MYO10: variants seen among roughly 807,000 people sequenced by gnomAD.
MYO10 encodes the protein unconventional myosin-X.
A neutral mutation model predicts 257.3 loss-of-function variants in MYO10; 133 were observed. The ratio of observed to expected loss-of-function variants is 0.52; its 90% CI spans 0.45 to 0.60. The LOEUF (loss-of-function observed/expected upper bound fraction) is 0.60, where lower values mean the gene tolerates loss of function less well. MYO10 is among the 20% of genes least tolerant of loss of function. The probability of loss-of-function intolerance (pLI) is 0.00; values close to 1 mark genes in which losing one functional copy is unlikely to be tolerated. For synonymous variants in MYO10, 1,104 were observed against 1,028.6 expected, an observed-to-expected ratio of 1.07 and a Z score of -1.40; for missense variants, 2,399 against 2,635.7, an observed-to-expected ratio of 0.91 and a Z score of 1.97.
intron 18 of MYO10, among the ~76,000 whole-genome samples, chr5:16,755,850 C>A (rs1579953975): frequency 6.6e-6 from 1 of 151,982 alleles, no homozygotes; most frequent in African/African-American, 2.4e-5. Context: ...ACTATACCCA[C>A]CCCTGTGGAA....
chr5:16,891,320 A>AGGAAGG lies in MYO10; in HGVS notation c.22-13614_22-13613insCCTTCC, dbSNP rs1317043978. On this transcript the variant is annotated intron_variant, in intron 1 of 40. Coordinates refer to ENST00000513610, the MANE Select transcript of MYO10 (RefSeq NM_012334.3). Reference sequence around the variant, plus strand: ...GAAAGAGAGAGAAAAGGAGAAGAGAAAAGGAAGGAAGGAAGGAAGGAAGGA... The same window carrying AGGAAGG: ...GAAAGAGAGAGAAAAGGAGAAGAGAAGGAAGGAAGGAAGGAAGGAAGGAAGGAAGGA... 5.7e-5 allele frequency among the ~76,000 whole-genome samples: 5 copies of AGGAAGG among 88,106 alleles called. No homozygotes were observed. In the East Asian group the frequency reaches 1.2e-3, roughly 21 times the overall value. 57.8% of individuals were successfully genotyped at this position (88,106 alleles called of 152,430 possible). A position where few individuals can be genotyped will look rare whatever the true frequency, so the allele number is the denominator to read the frequency against.
intron 2 of MYO10, among the ~76,000 whole-genome samples, chr5:16,873,366 C>T (rs867143933): frequency 1.2e-4 from 18 of 152,202 alleles, no homozygotes; most frequent in Non-Finnish European, 8.8e-5. Context: ...GTAGCTCCAC[C>T]CCTGTGGCTT....
chr5:16,727,768 C>T (rs1474700252), intron 19 of MYO10, among the ~76,000 whole-genome samples: 1 of 151,860 alleles, frequency 6.6e-6, no homozygotes, highest in African/African-American at 2.4e-5. Flanking sequence ...ATCTTCCTTG[C>T]CTATGGGGAT....
intron 1 of MYO10, among the ~76,000 whole-genome samples, chr5:16,915,776 C>CA (rs1236232273): frequency 1.3e-5 from 2 of 152,064 alleles, no homozygotes; most frequent in Non-Finnish European, 2.9e-5. Flanking sequence ...GCCAACATGG[C>CA]AAAACCCAGT....
intron 3 of MYO10, among the ~76,000 whole-genome samples, chr5:16,797,752 G>C (rs530793938): frequency 4.6e-5 from 7 of 152,230 alleles, no homozygotes; most frequent in Non-Finnish European, 1.0e-4. Flanking sequence ...ACAGCAAGAT[G>C]GGTGGTTGCT....
At chr5:16,933,529 G>A (rs1035220209) in intron 1 of MYO10, among the ~76,000 whole-genome samples, 2 of 152,176 alleles carry the variant, frequency 1.3e-5, no homozygotes, top group Non-Finnish European at 2.9e-5. Flanking sequence ...AAGCCACAAT[G>A]GGAAAAGTTA....
intron 2 of MYO10, among the ~76,000 whole-genome samples, chr5:16,819,900 T>C (rs1742745752): frequency 6.6e-6 from 1 of 152,214 alleles, no homozygotes; most frequent in Non-Finnish European, 1.5e-5. Flanking sequence ...AAGCCAGTCC[T>C]GAGAAACTGC....
chr5:16,747,558 A>G lies in MYO10; in HGVS notation c.1929+7270T>C, dbSNP rs563049684. ...ATATTCACTGAACACTTTATTCACA[A>G]ACTAGCATTAGGGCAAAGAGACCAA... On this transcript the variant is annotated intron_variant, in intron 19 of 40. Transcript: ENST00000513610. 2.6e-5 allele frequency among the ~76,000 whole-genome samples: 4 copies of G among 152,320 alleles called. No individual in the cohort carries two copies. The East Asian group carries it at 7.7e-4, about 29-fold the overall frequency.
At chr5:16,738,412 G>A in intron 19 of MYO10, 1 of 985,370 alleles carries the variant, frequency 1.0e-6, no homozygotes, top group Non-Finnish European at 1.2e-6. Context: ...GCATTAGAAA[G>A]AAGAAAATAG....
chr5:16,688,167 AG>A (rs1227603590), intron 28 of MYO10, among the ~76,000 whole-genome samples: 1 of 152,234 alleles, frequency 6.6e-6, no homozygotes, highest in Non-Finnish European at 1.5e-5. Context: ...TGTGGTCTCC[AG>A]GAGTCCCAGA....
intron 14 of MYO10, among the ~76,000 whole-genome samples, chr5:16,763,129 A>G (rs956260347): frequency 2.6e-5 from 4 of 152,192 alleles, no homozygotes; most frequent in African/African-American, 9.7e-5. Flanking sequence ...AAGTTCTTAT[A>G]TAAATCTTAA....
At chr5:16,768,638 C>A (rs2195345) in intron 10 of MYO10, among the ~76,000 whole-genome samples, 74,972 of 146,090 alleles carry the variant, frequency 0.51, 20,018 homozygotes, top group Non-Finnish European at 0.6. Flanking sequence ...GCTCTCTATT[C>A]AAGGAGTCAG....
chr5:16,843,502 A>C (rs1279954578), intron 2 of MYO10, among the ~76,000 whole-genome samples: 1 of 152,166 alleles, frequency 6.6e-6, no homozygotes. Flanking sequence ...CACAGTTAGT[A>C]AGCAGCAGGC....
chr5:16,800,174 T>C (rs1742081065), intron 3 of MYO10, among the ~76,000 whole-genome samples: 2 of 152,162 alleles, frequency 1.3e-5, no homozygotes, highest in Admixed American at 1.3e-4. Flanking sequence ...TATCTGACTC[T>C]TACAATAAAA....
chr5:16,900,648 T>C (rs2625175), intron 1 of MYO10, among the ~76,000 whole-genome samples: 83,594 of 151,528 alleles, frequency 0.55, 24,009 homozygotes, highest in African/African-American at 0.72. Flanking sequence ...GTCCAATTCC[T>C]CTCCCTAGTC....
At chr5:16,743,646 A>G (rs1740089137) in intron 19 of MYO10, among the ~76,000 whole-genome samples, 1 of 152,106 alleles carries the variant, frequency 6.6e-6, no homozygotes, top group Non-Finnish European at 1.5e-5. Flanking sequence ...CCATTGCAAA[A>G]AAAAAAAGAA....
At chr5:16,819,062 A>AT (rs1248265713) in intron 2 of MYO10, among the ~76,000 whole-genome samples, 1 of 152,180 alleles carries the variant, frequency 6.6e-6, no homozygotes, top group Admixed American at 6.5e-5. Flanking sequence ...AATAGTCTAT[A>AT]TATCTTTTCA....
At chr5:16,842,897 T>TAA (rs140305303) in intron 2 of MYO10, among the ~76,000 whole-genome samples, 1 of 98,160 alleles carries the variant, frequency 1.0e-5, no homozygotes, top group South Asian at 3.0e-4. Flanking sequence ...CCGTCTCTAC[T>TAA]AAAAAAAAGA....
intron 17 of MYO10, 60 bp from the exon 18 acceptor site, chr5:16,758,286 T>A: frequency 8.8e-7 from 1 of 1,142,330 alleles, no homozygotes; most frequent in Non-Finnish European, 1.3e-6. Flanking sequence ...AGGTGCAAGA[T>A]TATTGTAATT....
Sources: allele counts gnomAD v4.1 joint callset (sites outside exome capture counted in the v4.1 genomes callset), GRCh38; gene constraint gnomAD v4.1.1; transcripts MANE v1.5; gene names NCBI Gene and HGNC (gene_info 2026-07-23, HGNC 2026-07-21).